The following COL22A1 variants were observed in gnomAD, a reference collection of about 807,000 sequenced individuals.
COL22A1 encodes collagen alpha-1(XXII) chain.
COL22A1 carries 221 observed loss-of-function variants against 248.9 expected under a neutral mutation model. The observed-to-expected ratio is 0.89, with a 90% CI of 0.80 to 0.99. The LOEUF (loss-of-function observed/expected upper bound fraction) is 0.99. Among genes scored for constraint, COL22A1 ranks in the 50% least tolerant of loss-of-function variants. COL22A1 has a pLI of 0.00. For synonymous variants in COL22A1, 891 were observed against 793.4 expected (o/e 1.12, Z -2.07); for missense variants, 2,240 against 2,179.0 (o/e 1.03, Z -0.56).
chr8:138,811,479 G>A (rs1293715809), intron 9 of COL22A1, among the ~76,000 whole-genome samples: 3 of 152,114 alleles, frequency 2.0e-5, no homozygotes, highest in African/African-American at 4.8e-5. Context: ...CTCACTCACT[G>A]TCTTCTTCTG....
chr8:138,801,149 T>C (rs746785208), intron 11 of COL22A1, among the ~76,000 whole-genome samples: 3 of 152,268 alleles, frequency 2.0e-5, no homozygotes, highest in Admixed American at 6.5e-5. Context: ...AGGAGGTAGA[T>C]ATGCATGTGT....
chr8:138,892,828 G>A (rs1420603659), intron 1 of COL22A1, among the ~76,000 whole-genome samples: 2 of 152,236 alleles, frequency 1.3e-5, no homozygotes, highest in African/African-American at 4.8e-5. Flanking sequence ...TTCGAGCTCT[G>A]TCTGAGTCAG....
rs1231114980 is a variant in COL22A1, at chr8:138,737,575, C to G, written c.2088G>C (p.Gly696=). The G allele has an allele frequency of 6.2e-7, 1 of 1,608,434 alleles. No homozygotes were observed. Among genetic ancestry groups the G allele is most frequent in the South Asian group, 1.1e-5 (1 of 90,938 alleles). The part of the protein sequence containing the change: ...DGPPGLQGLR[G]KKGDMGPPGI... Reference sequence around the variant, plus strand: ...CAGGTGGTCCCATGTCACCTTTCTTCCCCTGAGTGTAAAAGAAGAAGCTAA... The same window carrying G: ...CAGGTGGTCCCATGTCACCTTTCTTGCCCTGAGTGTAAAAGAAGAAGCTAA... Residue 696 remains glycine, a splice_region_variant and synonymous_variant, in exon 23 of 65, where the codon GGG becomes GGC. Transcript: ENST00000303045.
At chr8:138,633,895 C>A (rs981127928) in intron 49 of COL22A1, among the ~76,000 whole-genome samples, 1 of 152,112 alleles carries the variant, frequency 6.6e-6, no homozygotes, top group Non-Finnish European at 1.5e-5. Context: ...AGAGTTGGGC[C>A]AGGTAAGATG....
intron 45 of COL22A1, among the ~76,000 whole-genome samples, chr8:138,652,497 C>A (rs528081960): frequency 1.3e-5 from 2 of 152,144 alleles, no homozygotes; most frequent in African/African-American, 4.8e-5. Context: ...TACTAGCTCC[C>A]AATCTCTGGG....
intron 22 of COL22A1, among the ~76,000 whole-genome samples, chr8:138,744,977 A>C (rs1430874590): frequency 6.6e-6 from 1 of 152,164 alleles, no homozygotes; most frequent in Non-Finnish European, 1.5e-5. Flanking sequence ...AGATACTGAG[A>C]AAATGATCAG....
chr8:138,902,778 ACACACACT>A (rs1327481790), intron 1 of COL22A1, among the ~76,000 whole-genome samples: 25 of 150,606 alleles, frequency 1.7e-4, no homozygotes, highest in African/African-American at 3.0e-4. Flanking sequence ...ACACACACAC[ACACACACT>A]AGAACTGACT....
At chr8:138,808,961 G>C (rs141644126) in intron 9 of COL22A1, among the ~76,000 whole-genome samples, 2,450 of 152,266 alleles carry the variant, frequency 0.016, 33 homozygotes, top group Middle Eastern at 0.034. Context: ...AAAATGTTTT[G>C]CAAACTCAAT....
At chr8:138,764,006 T>C (rs1355982005) in intron 16 of COL22A1, among the ~76,000 whole-genome samples, 3 of 152,224 alleles carry the variant, frequency 2.0e-5, no homozygotes, top group African/African-American at 7.2e-5. Context: ...GAAGATTATA[T>C]ATACAAATTA....
chr8:138,858,981 C>G (rs1176115260), intron 3 of COL22A1, among the ~76,000 whole-genome samples: 2 of 152,136 alleles, frequency 1.3e-5, no homozygotes, highest in African/African-American at 4.8e-5. Flanking sequence ...CTCGTCCCAG[C>G]GTTGACCCTA....
At chr8:138,595,281 A>G (rs1817431963) in intron 62 of COL22A1, among the ~76,000 whole-genome samples, 1 of 152,068 alleles carries the variant, frequency 6.6e-6, no homozygotes, top group Admixed American at 6.5e-5. Context: ...AACTTTTCTG[A>G]GCCTTGATTT....
intron 58 of COL22A1, among the ~76,000 whole-genome samples, chr8:138,605,747 T>C (rs978014692): frequency 6.6e-6 from 1 of 152,176 alleles, no homozygotes; most frequent in Non-Finnish European, 1.5e-5. Context: ...TTGGAAATGT[T>C]TGAATCCCTC....
chr8:138,780,786 C>A, intron 13 of COL22A1, 141 bp downstream of exon 13: 1 of 736,484 alleles, frequency 1.4e-6, no homozygotes, highest in Admixed American at 2.1e-5. Flanking sequence ...CTCCTGGTAT[C>A]TGCGAGGATC....
chr8:138,705,909 T>A (rs7463922), intron 30 of COL22A1, among the ~76,000 whole-genome samples: 73,300 of 151,898 alleles, frequency 0.48, 18,081 homozygotes, highest in East Asian at 0.73. Context: ...GAGACACACA[T>A]AGGCTCAAAA....
intron 4 of COL22A1, among the ~76,000 whole-genome samples, chr8:138,841,682 C>T (rs1406183594): frequency 6.6e-6 from 1 of 152,128 alleles, no homozygotes; most frequent in Non-Finnish European, 1.5e-5. Flanking sequence ...CAGCCCTTGA[C>T]GAAGAGGAGG....
chr8:138,883,800 A>T (rs1195703880), intron 1 of COL22A1, among the ~76,000 whole-genome samples: 1 of 152,120 alleles, frequency 6.6e-6, no homozygotes, highest in African/African-American at 2.4e-5. Flanking sequence ...CTCCCCAGCC[A>T]TGCGGAACAA....
At chr8:138,716,899 T>C in intron 27 of COL22A1, 30 bp from the exon 28 acceptor site, 1 of 1,574,320 alleles carries the variant, frequency 6.4e-7, no homozygotes, top group Non-Finnish European at 8.7e-7. Flanking sequence ...TACCCCATTA[T>C]TCTCCATTCA....
chr8:138,617,376 C>T (rs78300117), intron 53 of COL22A1, among the ~76,000 whole-genome samples: 1 of 142,564 alleles, frequency 7.0e-6, no homozygotes, highest in East Asian at 2.1e-4. Flanking sequence ...GGTCCTGTGG[C>T]CCCTTCCTTG....
intron 16 of COL22A1, among the ~76,000 whole-genome samples, chr8:138,763,946 C>T (rs1833716691): frequency 6.6e-6 from 1 of 152,206 alleles, no homozygotes; most frequent in Non-Finnish European, 1.5e-5. Context: ...CTTGGTTCTT[C>T]CGTTCCTGGA....
Sources: gnomAD v4.1 joint callset for allele counts (sites outside exome capture counted in the v4.1 genomes callset) on GRCh38, gnomAD v4.1.1 for gene constraint, MANE v1.5 for transcripts, NCBI Gene and HGNC (gene_info 2026-07-23, HGNC 2026-07-21) for gene names.